FER: variants seen among roughly 807,000 people sequenced by gnomAD.
The protein encoded by FER is FER tyrosine kinase, also known as tyrosine-protein kinase Fer.
FER carries 63 observed loss-of-function variants against 111.0 expected under a neutral mutation model. The ratio of observed to expected loss-of-function variants is 0.57; its 90% CI spans 0.46 to 0.70. FER has a LOEUF of 0.70. FER is among the 30% of genes least tolerant of loss of function. The probability of loss-of-function intolerance (pLI) is 0.00; values close to 1 mark genes in which losing one functional copy is unlikely to be tolerated. For missense variants in FER, 914 were observed against 954.0 expected, an observed-to-expected ratio of 0.96 and a Z score of 0.55; for synonymous variants, 327 against 313.9, an observed-to-expected ratio of 1.04 and a Z score of -0.44.
At chr5:108,768,696 T>A (rs374240788) in intron 2 of FER, among the ~76,000 whole-genome samples, 31 of 152,356 alleles carry the variant, frequency 2.0e-4, no homozygotes, top group African/African-American at 6.5e-4. Flanking sequence ...CTTCTAAGTG[T>A]CATACAGTGT....
intron 13 of FER, among the ~76,000 whole-genome samples, chr5:109,012,540 T>G (rs561112561): frequency 2.1e-4 from 32 of 152,358 alleles, no homozygotes; most frequent in African/African-American, 6.3e-4. Context: ...CTTTTATTTT[T>G]AAATCAATAA....
intron 10 of FER, chr5:108,924,628 C>G: frequency 8.1e-7 from 1 of 1,231,550 alleles, no homozygotes; most frequent in South Asian, 4.1e-5. Context: ...CTTCCTTGGG[C>G]CCACTGTCAC....
intron 16 of FER, among the ~76,000 whole-genome samples, chr5:109,065,536 G>A (rs980035963): frequency 5.9e-5 from 9 of 152,124 alleles, no homozygotes; most frequent in African/African-American, 1.9e-4. Context: ...GTTTGTGGAA[G>A]CGATGAAGCT....
At position 109,188,780 on chromosome 5, in the gene FER, A is replaced by G. The variant is rs1759151571; in HGVS notation, c.*1205A>G. On this transcript the variant is annotated 3_prime_UTR_variant, in exon 20 of 20. Transcript: ENST00000281092. ...TGCAAAGCACAAATCCACAGAAATA[A>G]CAGCATACTTTCAGTTAAGCATTTT... The G allele has an allele frequency of 6.6e-6, 1 of 152,256 alleles. No homozygotes were observed. The highest frequency in any genetic ancestry group is 2.1e-4 in the South Asian group (1 of 4,838). The allele number at this position is 152,256 out of a possible 1,614,324, so 9.4% of individuals were successfully genotyped here.
intron 9 of FER, 56 bp downstream of exon 9, chr5:108,883,574 A>AAG: frequency 6.9e-7 from 1 of 1,458,568 alleles, no homozygotes. Context: ...TTTTACAAAA[A>AAG]TATTTTAGTT....
At position 109,181,196 on chromosome 5, in the gene FER, G is replaced by A. The variant is rs554865882; in HGVS notation, c.2203+295G>A. On this transcript the variant is annotated intron_variant, in intron 18 of 19. Coordinates refer to ENST00000281092, the MANE Select transcript of FER (RefSeq NM_005246.4). ...TTGTAATAGATTATACAGAGTAAGC[G>A]TTGTTGTGGCTCTGGACCATTTCTT... is the stretch of plus-strand genomic sequence containing the variant. Among the ~76,000 whole-genome samples, 48 of 152,218 alleles carry A rather than the reference G, an allele frequency of 3.2e-4. No homozygotes were observed. In the South Asian group the frequency reaches 8.3e-3, roughly 26 times the overall value.
rs1293212447 is a variant in FER at position 108,940,618 on chromosome 5, G to A, written c.1237-5512G>A. Among the ~76,000 whole-genome samples, 4 of 149,248 alleles carry A rather than the reference G, an allele frequency of 2.7e-5. No individual in the cohort carries two copies. The East Asian group carries it at 7.7e-4, about 29-fold the overall frequency. ...ATCCTCAAAAGTTTTTAAGAGATTT[G>A]TAGCATCAGGTGTAGGCCGATGTGA... On this transcript the variant is annotated intron_variant, in intron 10 of 19. Coordinates refer to ENST00000281092, the MANE Select transcript of FER (RefSeq NM_005246.4).
At chr5:109,099,892 G>A (rs1397690629) in intron 16 of FER, among the ~76,000 whole-genome samples, 1 of 151,378 alleles carries the variant, frequency 6.6e-6, no homozygotes, top group Non-Finnish European at 1.5e-5. Context: ...CTCTCTGTCC[G>A]GACACTGCTA....
chr5:109,072,388 A>G (rs965733122), intron 16 of FER, among the ~76,000 whole-genome samples: 4 of 151,090 alleles, frequency 2.6e-5, no homozygotes, highest in African/African-American at 9.7e-5. Context: ...TTTAATGGCA[A>G]CAACCGCGAT....
chr5:108,875,811 G>GTCC (rs1226712886), intron 8 of FER, among the ~76,000 whole-genome samples: 2 of 152,124 alleles, frequency 1.3e-5, no homozygotes, highest in Non-Finnish European at 2.9e-5. Flanking sequence ...TAATAAAGCA[G>GTCC]TAAAGAATTA....
chr5:108,946,171 T>G lies in FER; in HGVS notation c.1278T>G (p.His426Gln), dbSNP rs1756956794. Residue 426 changes from histidine to glutamine, a missense_variant, in exon 11 of 20, where the codon CAT (histidine) becomes CAG (glutamine). Physicochemically the swap from His to Gln is conservative, Grantham distance 24. Coordinates refer to ENST00000281092, the MANE Select transcript of FER (RefSeq NM_005246.4). ...TATCCAAATTTGAATCTATTCGTCA[T>G]TCAATTGCTGGAATAATTAGGTCTC... is the stretch of plus-strand genomic sequence containing the variant. The part of the protein sequence containing the change: ...ERLSKFESIR[H>Q]SIAGIIRSPK... 1 of 1,612,440 alleles carries G rather than the reference T, an allele frequency of 6.2e-7. No individual in the cohort carries two copies. The highest frequency in any genetic ancestry group is 8.5e-7 in the Non-Finnish European group (1 of 1,178,944).
At chr5:109,078,372 C>T (rs548474409) in intron 16 of FER, among the ~76,000 whole-genome samples, 14 of 152,254 alleles carry the variant, frequency 9.2e-5, no homozygotes, top group East Asian at 1.9e-4. Flanking sequence ...TTAAAATCTG[C>T]GTGGCTAATT....
chr5:108,955,849 A>T (rs1758354800), intron 12 of FER, among the ~76,000 whole-genome samples: 1 of 151,818 alleles, frequency 6.6e-6, no homozygotes, highest in Non-Finnish European at 1.5e-5. Flanking sequence ...ATGTGCACAT[A>T]CATCTCTTAA....
At chr5:109,185,336 C>T (rs1758740707) in intron 18 of FER, among the ~76,000 whole-genome samples, 1 of 152,122 alleles carries the variant, frequency 6.6e-6, no homozygotes, top group South Asian at 2.1e-4. Flanking sequence ...TTAAAACACA[C>T]ATAAATATTT....
intron 2 of FER, among the ~76,000 whole-genome samples, chr5:108,794,630 T>C (rs764516168): frequency 6.6e-6 from 1 of 151,296 alleles, no homozygotes; most frequent in Non-Finnish European, 1.5e-5. Flanking sequence ...TTCTCATTTA[T>C]GCTTAAAGGA....
At chr5:108,788,539 T>C (rs1451398197) in intron 2 of FER, among the ~76,000 whole-genome samples, 1 of 151,720 alleles carries the variant, frequency 6.6e-6, no homozygotes, top group Non-Finnish European at 1.5e-5. Context: ...AATATCTTTT[T>C]TTTTTTTTCC....
At chr5:109,093,676 A>G (rs1747112206) in intron 16 of FER, among the ~76,000 whole-genome samples, 1 of 152,118 alleles carries the variant, frequency 6.6e-6, no homozygotes, top group Non-Finnish European at 1.5e-5. Context: ...TACCCTTTTT[A>G]AATTTAAATG....
intron 17 of FER, among the ~76,000 whole-genome samples, chr5:109,175,266 G>A (rs1192497326): frequency 6.6e-6 from 1 of 152,166 alleles, no homozygotes; most frequent in African/African-American, 2.4e-5. Context: ...TATTGACACT[G>A]ACTACTTTCT....
rs144251431 is a variant in FER, at chr5:108,771,572, G to T, written c.-60+3334G>T. Among the ~76,000 whole-genome samples, 4 of 152,110 alleles carry T rather than the reference G, an allele frequency of 2.6e-5. No homozygotes were observed. In the East Asian group the frequency reaches 7.7e-4, roughly 29 times the overall value. On this transcript the variant is annotated intron_variant, in intron 2 of 19. Transcript: ENST00000281092. ...GCTTTCACTCATCATGCTTCAAACT[G>T]GTCTCCTCTCATGCTTTCTGTATTT...
Sources: gnomAD v4.1 joint callset for allele counts (sites outside exome capture counted in the v4.1 genomes callset) on GRCh38, gnomAD v4.1.1 for gene constraint, MANE v1.5 for transcripts, NCBI Gene and HGNC (gene_info 2026-07-23, HGNC 2026-07-21) for gene names.